ARHGEF4: variants seen among roughly 807,000 people sequenced by gnomAD.
ARHGEF4 encodes the protein APC-stimulated guanine nucleotide exchange factor 1.
A neutral mutation model predicts 162.0 loss-of-function variants in ARHGEF4; 119 were observed. The ratio of observed to expected loss-of-function variants is 0.73; its 90% CI spans 0.63 to 0.86. ARHGEF4 has a LOEUF of 0.86. ARHGEF4 is among the 40% of genes least tolerant of loss of function. The pLI is 0.00. For synonymous variants in ARHGEF4, 1,014 were observed against 979.9 expected, an observed-to-expected ratio of 1.03 and a Z score of -0.65; for missense variants, 2,488 against 2,456.0, an observed-to-expected ratio of 1.01 and a Z score of -0.28.
Position 131,007,800 on chromosome 2 carries a change from C to CTTTTTTTTTTT in ARHGEF4, c.3986-20127_3986-20117dup, listed in dbSNP as rs70994731. Among the ~76,000 whole-genome samples, 132 of 55,942 alleles carry CTTTTTTTTTTT rather than the reference C, an allele frequency of 2.4e-3. 8 individuals carry two copies. The highest frequency in any genetic ancestry group is 2.9e-3 in the Non-Finnish European group (92 of 31,212). 36.7% of individuals were successfully genotyped at this position (55,942 alleles called of 152,430 possible). A position where few individuals can be genotyped will look rare whatever the true frequency, so the allele number is the denominator to read the frequency against. ...TAAAGCTAAATTATTCTTTTCTTTT[C>CTTTTTTTTTTT]TTTTTTTTTTTTTTTTTTTTTTTTT... On this transcript the variant is annotated intron_variant, in intron 4 of 13. Transcript: ENST00000409359.
At chr2:130,978,957 C>A (rs926956303) in intron 4 of ARHGEF4, among the ~76,000 whole-genome samples, 2 of 152,170 alleles carry the variant, frequency 1.3e-5, no homozygotes, top group Non-Finnish European at 2.9e-5. Context: ...TCCCTCTAAT[C>A]CAATGGCACA....
chr2:130,884,666 A>G (rs780218669), intron 1 of ARHGEF4, among the ~76,000 whole-genome samples: 2 of 152,136 alleles, frequency 1.3e-5, no homozygotes, highest in Non-Finnish European at 2.9e-5. Flanking sequence ...TTAGAAAGCG[A>G]TAACAAGTAA....
At chr2:130,876,263 C>G (rs1228999934) in intron 1 of ARHGEF4, among the ~76,000 whole-genome samples, 1 of 152,220 alleles carries the variant, frequency 6.6e-6, no homozygotes, top group Non-Finnish European at 1.5e-5. Context: ...CGCTGCCTGA[C>G]AGGCAGTAGG....
At chr2:130,942,683 T>C (rs551122781) in intron 3 of ARHGEF4, among the ~76,000 whole-genome samples, 1 of 152,354 alleles carries the variant, frequency 6.6e-6, no homozygotes, top group African/African-American at 2.4e-5. Flanking sequence ...GGTGCAGTTT[T>C]TATTTTGGAA....
intron 4 of ARHGEF4, among the ~76,000 whole-genome samples, chr2:130,948,605 A>C (rs994251201): frequency 6.6e-6 from 1 of 152,246 alleles, no homozygotes; most frequent in Admixed American, 6.5e-5. Context: ...AGATGAGTTC[A>C]TTGCAGAGGA....
At chr2:130,965,683 T>C (rs1443867535) in intron 4 of ARHGEF4, among the ~76,000 whole-genome samples, 1 of 152,200 alleles carries the variant, frequency 6.6e-6, no homozygotes, top group Non-Finnish European at 1.5e-5. Flanking sequence ...ACCTCCTCCT[T>C]TCTTTCTTCC....
chr2:130,976,917 TG>T (rs1332147473), intron 4 of ARHGEF4, among the ~76,000 whole-genome samples: 4 of 151,794 alleles, frequency 2.6e-5, no homozygotes, highest in Non-Finnish European at 5.9e-5. Context: ...GTGGTGTGTA[TG>T]GTGTGTTAGT....
chr2:131,026,582 A>G (rs1254127402), intron 4 of ARHGEF4, among the ~76,000 whole-genome samples: 1 of 152,248 alleles, frequency 6.6e-6, no homozygotes, highest in African/African-American at 2.4e-5. Context: ...CAATAGACAA[A>G]TGGGTAAAAC....
At chr2:130,853,087 G>C (rs979479886) in intron 1 of ARHGEF4, among the ~76,000 whole-genome samples, 5 of 152,192 alleles carry the variant, frequency 3.3e-5, no homozygotes, top group African/African-American at 1.2e-4. Flanking sequence ...TTGGGTCCCA[G>C]GGGGCTGTTT....
intron 1 of ARHGEF4, among the ~76,000 whole-genome samples, chr2:130,898,366 G>C (rs1411428465): frequency 6.6e-6 from 1 of 152,248 alleles, no homozygotes; most frequent in African/African-American, 2.4e-5. Context: ...ATCAGGGTAA[G>C]CGGTTATGTC....
At chr2:130,965,868 G>A (rs986005429) in intron 4 of ARHGEF4, among the ~76,000 whole-genome samples, 2 of 152,178 alleles carry the variant, frequency 1.3e-5, no homozygotes, top group Non-Finnish European at 2.9e-5. Context: ...TCTGGAGAGA[G>A]AGAGAGTTGG....
chr2:130,851,211 T>C (rs1036244286), intron 1 of ARHGEF4, among the ~76,000 whole-genome samples: 1 of 152,256 alleles, frequency 6.6e-6, no homozygotes, highest in East Asian at 1.9e-4. Flanking sequence ...GTGCCTTTCC[T>C]GCCCTGGCAG....
intron 1 of ARHGEF4, among the ~76,000 whole-genome samples, chr2:130,855,858 AAAC>A (rs1157293936): frequency 6.6e-6 from 1 of 152,236 alleles, no homozygotes; most frequent in East Asian, 1.9e-4. Context: ...TTGACCAATC[AAAC>A]AACAACCATA....
chr2:131,039,177 C>T, intron 6 of ARHGEF4, 145 bp downstream of exon 6: 1 of 1,256,314 alleles, frequency 8.0e-7, no homozygotes, highest in Non-Finnish European at 1.1e-6. Flanking sequence ...TCACAGCCTT[C>T]CTCCTCCTGG....
intron 1 of ARHGEF4, among the ~76,000 whole-genome samples, chr2:130,894,784 G>C (rs1018875162): frequency 6.6e-6 from 1 of 152,030 alleles, no homozygotes; most frequent in Non-Finnish European, 1.5e-5. Context: ...CCTGTGGCGG[G>C]AGGTTGGGCA....
Position 130,916,816 on chromosome 2 carries a change from A to G in ARHGEF4, c.2870A>G (p.Lys957Arg), listed in dbSNP as rs1353552321. 1.3e-6 allele frequency: 2 copies of G among 1,550,280 alleles called. No homozygotes were observed. Among genetic ancestry groups the G allele is most frequent in the Non-Finnish European group, 1.7e-6 (2 of 1,146,990 alleles). Residue 957 changes from lysine (K) to arginine (R), a missense_variant, in exon 2 of 14, where the codon AAA becomes AGA. Coordinates refer to ENST00000409359, the MANE Select transcript of ARHGEF4 (RefSeq NM_001367493.1). ...LRQGSWRAFL[K>R]SKDAGSPKKP... ...CAGGGTTCCTGGCGGGCGTTTCTGA[A>G]AAGCAAAGATGCCGGAAGCCCCAAA...
chr2:130,929,076 T>C lies in ARHGEF4; in HGVS notation c.3553-1876T>C, dbSNP rs1322879868. ...ATCTGTTGCTGCATAGCCCAGAGGA[T>C]CCAGCTGGGTGCCTCTGGGCAAGGA... On this transcript the variant is annotated intron_variant, in intron 2 of 13. Coordinates refer to ENST00000409359, the MANE Select transcript of ARHGEF4 (RefSeq NM_001367493.1). 2.0e-5 allele frequency among the ~76,000 whole-genome samples: 3 copies of C among 152,280 alleles called. No homozygotes were observed. In the East Asian group the frequency reaches 5.8e-4, roughly 29 times the overall value.
chr2:131,016,225 T>G (rs759825856), intron 4 of ARHGEF4, among the ~76,000 whole-genome samples: 1 of 152,188 alleles, frequency 6.6e-6, no homozygotes, highest in Non-Finnish European at 1.5e-5. Context: ...CTCCTGTGCC[T>G]GTGGTTTCCC....
rs574910960 is a variant in ARHGEF4, at chr2:130,965,674, C to T, written c.3985+19039C>T. On this transcript the variant is annotated intron_variant, in intron 4 of 13. Transcript: ENST00000409359. ...AGAGGCCTCAGTCCTCCTGGGGACA[C>T]CTCCTCCTTTCTTTCTTCCTTCTGT... Among the ~76,000 whole-genome samples, 12 of 152,314 alleles carry T rather than the reference C, an allele frequency of 7.9e-5. No individual in the cohort carries two copies. In the South Asian group the frequency reaches 2.3e-3, roughly 29 times the overall value.
Sources: allele counts gnomAD v4.1 joint callset (sites outside exome capture counted in the v4.1 genomes callset), GRCh38; gene constraint gnomAD v4.1.1; transcripts MANE v1.5; gene names NCBI Gene and HGNC (gene_info 2026-07-23, HGNC 2026-07-21).